The following TOMM70 variants were observed in gnomAD, a reference collection of about 807,000 sequenced individuals.
TOMM70 encodes translocase of outer mitochondrial membrane 70, also known as mitochondrial import receptor subunit TOM70.
A neutral mutation model predicts 73.6 loss-of-function variants in TOMM70; 13 were observed. The ratio of observed to expected loss-of-function variants is 0.18; its 90% CI spans 0.11 to 0.28. The LOEUF (loss-of-function observed/expected upper bound fraction) is 0.28. Among genes scored for constraint, TOMM70 ranks in the 10% least tolerant of loss-of-function variants. TOMM70 has a pLI of 1.00. For missense variants in TOMM70, 609 were observed against 747.5 expected (o/e 0.81, Z 2.16); for synonymous variants, 257 against 271.2 (o/e 0.95, Z 0.51).
chr3:100,385,271 G>A (rs1309069474), intron 3 of TOMM70, among the ~76,000 whole-genome samples: 2 of 152,086 alleles, frequency 1.3e-5, no homozygotes, highest in South Asian at 2.1e-4. Context: ...GTGACACTTC[G>A]ATCAACCTCC....
In TOMM70 at chr3:100,399,278, C is replaced by CAA. The variant is rs200617536; in HGVS notation, c.324+1346_324+1347dup. Among the ~76,000 whole-genome samples the CAA allele has an allele frequency of 9.9e-5, 9 of 91,336 alleles. No individual in the cohort carries two copies. In the East Asian group the frequency reaches 1.7e-3, roughly 18 times the overall value. 59.9% of individuals were successfully genotyped at this position (91,336 alleles called of 152,430 possible). On this transcript the variant is annotated intron_variant, in intron 1 of 11. Transcript: ENST00000284320. ...TGGGCAACAAAGTGAGACTCCATCTCAAAAAAAAAAAAAAAATTCAACCTG... is the reference window on the plus strand; with the variant it reads ...TGGGCAACAAAGTGAGACTCCATCTCAAAAAAAAAAAAAAAAAATTCAACCTG...
intron 8 of TOMM70, among the ~76,000 whole-genome samples, chr3:100,373,301 G>C (rs960122396): frequency 5.9e-5 from 9 of 152,124 alleles, no homozygotes; most frequent in African/African-American, 2.2e-4. Flanking sequence ...ATGAAGCAGG[G>C]AGACCAGTTC....
In TOMM70 at chr3:100,368,134, T is replaced by C. The variant is rs1241095423; in HGVS notation, c.1583A>G (p.Asp528Gly). 2 of 1,612,806 alleles carry C rather than the reference T, an allele frequency of 1.2e-6. No individual in the cohort carries two copies. The highest frequency in any genetic ancestry group is 1.7e-6 in the Non-Finnish European group (2 of 1,179,710). The change falls in exon 11 of 12, where the codon GAT becomes GGT. Residue 528 changes from aspartate to glycine, a missense_variant. Transcript: ENST00000284320. ...LLQLQWKQDLDRGLELISKAI... is the reference protein window; with the variant it reads ...LLQLQWKQDLGRGLELISKAI... Reference sequence around the variant, plus strand: ...CTTGCTGATAAGTTCCAAACCTCTATCCAGATCTTGCTTCCACTGAAGTTG... The same window carrying C: ...CTTGCTGATAAGTTCCAAACCTCTACCCAGATCTTGCTTCCACTGAAGTTG...
intron 11 of TOMM70, among the ~76,000 whole-genome samples, chr3:100,366,193 T>A (rs183465947): frequency 6.6e-6 from 1 of 152,298 alleles, no homozygotes; most frequent in East Asian, 1.9e-4. Context: ...CCCACCTCTT[T>A]CTGTTTCATC....
intron 8 of TOMM70, among the ~76,000 whole-genome samples, chr3:100,373,277 T>C (rs1167995047): frequency 6.6e-6 from 1 of 152,150 alleles, no homozygotes; most frequent in Non-Finnish European, 1.5e-5. Flanking sequence ...TTTTGCTCTT[T>C]ATATTGATTT....
chr3:100,383,815 C>T (rs556998933), intron 4 of TOMM70, among the ~76,000 whole-genome samples: 23 of 152,296 alleles, frequency 1.5e-4, no homozygotes, highest in African/African-American at 5.1e-4. Flanking sequence ...CTATGGTACT[C>T]TCTTTACTTA....
intron 1 of TOMM70, among the ~76,000 whole-genome samples, chr3:100,390,607 A>ATT (rs1220492724): frequency 6.6e-6 from 1 of 152,130 alleles, no homozygotes; most frequent in Non-Finnish European, 1.5e-5. Context: ...GCAGTAGATC[A>ATT]TTTGAGATCA....
chr3:100,374,473 T>A (rs2148889949), intron 7 of TOMM70, among the ~76,000 whole-genome samples: 1 of 152,352 alleles, frequency 6.6e-6, no homozygotes, highest in Non-Finnish European at 1.5e-5. Context: ...TATACCATAA[T>A]GCATTCCAAG....
intron 1 of TOMM70, among the ~76,000 whole-genome samples, chr3:100,398,106 G>T (rs988760158): frequency 2.0e-5 from 3 of 152,084 alleles, no homozygotes; most frequent in Non-Finnish European, 4.4e-5. Flanking sequence ...AGTTTCAGCC[G>T]GTGAGGTGGC....
In TOMM70 at chr3:100,386,864, C is replaced by T. The variant is rs369825263; in HGVS notation, c.439G>A (p.Glu147Lys). The change falls in exon 2 of 12, where the codon GAG (glutamate) becomes AAG (lysine). Residue 147 changes from glutamate to lysine, a missense_variant. Transcript: ENST00000284320. ...AATGTAGAAAGGTCAACATTCTTCT[C>T]TGTAGGGCACAAGCTAATAGCCTCA... ...YTEAISLCPTEKNVDLSTFYQ... is the reference protein window; with the variant it reads ...YTEAISLCPTKKNVDLSTFYQ... The T allele has an allele frequency of 3.7e-6, 6 of 1,614,038 alleles. No homozygotes were observed. The highest frequency in any genetic ancestry group is 5.1e-6 in the Non-Finnish European group (6 of 1,180,032).
chr3:100,400,531 T>C, intron 1 of TOMM70, 95 bp downstream of exon 1: 2 of 1,425,620 alleles, frequency 1.4e-6, no homozygotes, highest in Non-Finnish European at 1.9e-6. Context: ...GCTTGGCAGC[T>C]TCCGTCTGAT....
intron 1 of TOMM70, among the ~76,000 whole-genome samples, chr3:100,399,874 T>G (rs1393470645): frequency 6.6e-6 from 1 of 151,902 alleles, no homozygotes; most frequent in Admixed American, 6.6e-5. Context: ...GAGCGTTTTC[T>G]GACAAAGGCC....
At chr3:100,381,835 G>A (rs1420544480) in intron 4 of TOMM70, 72 bp from the exon 5 acceptor site, 11 of 1,383,206 alleles carry the variant, frequency 8.0e-6, no homozygotes, top group South Asian at 3.3e-5. Context: ...ATTGTAGAAC[G>A]CTAAGAATAA....
At chr3:100,372,957 G>A (rs1406468348) in intron 8 of TOMM70, among the ~76,000 whole-genome samples, 7 of 152,024 alleles carry the variant, frequency 4.6e-5, no homozygotes, top group African/African-American at 7.3e-5. Context: ...CTGTAGAAGA[G>A]GGCATACTAA....
intron 4 of TOMM70, among the ~76,000 whole-genome samples, chr3:100,382,441 C>T (rs185734123): frequency 9.2e-5 from 14 of 152,142 alleles, no homozygotes; most frequent in Admixed American, 7.9e-4. Context: ...AGAAAGAGAA[C>T]TAAAAAGGAA....
chr3:100,374,543 CTG>C (rs748037618), intron 7 of TOMM70, among the ~76,000 whole-genome samples: 1 of 152,198 alleles, frequency 6.6e-6, no homozygotes, highest in African/African-American at 2.4e-5. Context: ...TAATTGGAAA[CTG>C]TTTCTTCACT....
At chr3:100,365,846 G>T in intron 11 of TOMM70, 129 bp from the exon 12 acceptor site, 1 of 1,031,472 alleles carries the variant, frequency 9.7e-7, no homozygotes, top group Non-Finnish European at 1.4e-6. Context: ...GGTTGTAAGT[G>T]ATGCTACATG....
chr3:100,386,789 A>C lies in TOMM70; in HGVS notation c.498+16T>G, dbSNP rs758509660. 2.5e-6 allele frequency: 4 copies of C among 1,597,020 alleles called. No homozygotes were observed. The highest frequency in any genetic ancestry group is 2.6e-6 in the Non-Finnish European group (3 of 1,176,230). ...GAGAAAGAAAAGGAACAGAAGAAAC[A>C]ACCTAGAGTACATACCAACTGTTCA... On this transcript the variant is annotated intron_variant, in intron 2 of 11. Transcript: ENST00000284320.
intron 1 of TOMM70, 38 bp downstream of exon 1, chr3:100,400,588 G>A: frequency 3.1e-6 from 5 of 1,593,600 alleles, no homozygotes; most frequent in Non-Finnish European, 4.3e-6. Context: ...AGCTGCACGA[G>A]CCAGTTTCCT....
Sources: gnomAD v4.1 joint callset for allele counts (sites outside exome capture counted in the v4.1 genomes callset) on GRCh38, gnomAD v4.1.1 for gene constraint, MANE v1.5 for transcripts, NCBI Gene and HGNC (gene_info 2026-07-23, HGNC 2026-07-21) for gene names.